NPAS3: variants seen among roughly 807,000 people sequenced by gnomAD.
NPAS3 encodes the protein neuronal PAS domain protein 3.
NPAS3 carries 14 observed loss-of-function variants against 73.1 expected under a neutral mutation model. The ratio of observed to expected loss-of-function variants is 0.19; its 90% CI spans 0.13 to 0.30. The LOEUF (loss-of-function observed/expected upper bound fraction) is 0.30, where lower values mean the gene tolerates loss of function less well. Among genes scored for constraint, NPAS3 ranks in the 10% least tolerant of loss-of-function variants. The pLI is 1.00. For missense variants in NPAS3, 1,096 were observed against 1,250.0 expected, an observed-to-expected ratio of 0.88 and a Z score of 1.86; for synonymous variants, 620 against 541.5, an observed-to-expected ratio of 1.14 and a Z score of -2.01.
intron 7 of NPAS3, among the ~76,000 whole-genome samples, chr14:33,761,819 C>T (rs1377173736): frequency 6.6e-6 from 1 of 152,140 alleles, no homozygotes; most frequent in African/African-American, 2.4e-5. Context: ...ATGAATTCTT[C>T]CCATTTCATT....
At chr14:33,785,121 C>T (rs976098391) in intron 9 of NPAS3, among the ~76,000 whole-genome samples, 4 of 151,554 alleles carry the variant, frequency 2.6e-5, no homozygotes, top group South Asian at 4.2e-4. Flanking sequence ...TTATAAGGCA[C>T]GATCAGAAGA....
chr14:33,791,801 C>T (rs2063366555), intron 9 of NPAS3, among the ~76,000 whole-genome samples: 2 of 152,204 alleles, frequency 1.3e-5, no homozygotes, highest in Admixed American at 6.5e-5. Flanking sequence ...AACTCCCAGG[C>T]AGGCTGTGCT....
intron 7 of NPAS3, among the ~76,000 whole-genome samples, chr14:33,753,358 T>TTAA (rs1219013158): frequency 3.9e-5 from 5 of 129,460 alleles, no homozygotes; most frequent in Non-Finnish European, 6.8e-5. Context: ...GTTAAATTGA[T>TTAA]AAAAAAAAAA....
At chr14:33,350,573 A>G (rs1378983448) in intron 3 of NPAS3, among the ~76,000 whole-genome samples, 1 of 152,228 alleles carries the variant, frequency 6.6e-6, no homozygotes, top group African/African-American at 2.4e-5. Flanking sequence ...TCACGCCTCT[A>G]AGAACAAACG....
intron 4 of NPAS3, among the ~76,000 whole-genome samples, chr14:33,494,870 G>C (rs976013226): frequency 2.0e-5 from 3 of 152,036 alleles, no homozygotes; most frequent in African/African-American, 7.2e-5. Flanking sequence ...AAACAGAAGG[G>C]AGTTTAAGGA....
intron 3 of NPAS3, among the ~76,000 whole-genome samples, chr14:33,256,192 A>G (rs1046788088): frequency 1.3e-5 from 2 of 152,202 alleles, no homozygotes; most frequent in Non-Finnish European, 2.9e-5. Context: ...GTTAAAAGTC[A>G]TAATAGTTTG....
intron 5 of NPAS3, among the ~76,000 whole-genome samples, chr14:33,589,250 T>A (rs1377457299): frequency 6.6e-6 from 1 of 152,192 alleles, no homozygotes; most frequent in Non-Finnish European, 1.5e-5. Context: ...ATAGAGTCAC[T>A]TAGACAAGAA....
intron 1 of NPAS3, among the ~76,000 whole-genome samples, chr14:33,042,420 C>A (rs575119689): frequency 2.0e-5 from 3 of 152,136 alleles, no homozygotes; most frequent in Non-Finnish European, 4.4e-5. Flanking sequence ...AGGACTTGCC[C>A]ACCCACCAGG....
At chr14:33,239,418 G>C (rs2048143665) in intron 3 of NPAS3, among the ~76,000 whole-genome samples, 1 of 151,812 alleles carries the variant, frequency 6.6e-6, no homozygotes, top group Non-Finnish European at 1.5e-5. Context: ...AATTTTAGTA[G>C]AAGACAGATA....
chr14:33,312,230 A>AT (rs74400076), intron 3 of NPAS3, among the ~76,000 whole-genome samples: 5 of 152,016 alleles, frequency 3.3e-5, no homozygotes, highest in South Asian at 4.2e-4. Flanking sequence ...TACTACTGGT[A>AT]TTTTTTTCTA....
intron 7 of NPAS3, among the ~76,000 whole-genome samples, chr14:33,753,922 T>G (rs551919231): frequency 2.6e-5 from 4 of 152,186 alleles, no homozygotes; most frequent in East Asian, 1.9e-4. Flanking sequence ...TGCCAGGGGC[T>G]TAAGGGACCC....
At chr14:33,371,826 G>A (rs898227303) in intron 4 of NPAS3, among the ~76,000 whole-genome samples, 2 of 152,126 alleles carry the variant, frequency 1.3e-5, no homozygotes, top group African/African-American at 4.8e-5. Context: ...ACTGTGCTAA[G>A]TTCTCTTCTT....
chr14:33,398,700 A>G (rs544415217), intron 4 of NPAS3, among the ~76,000 whole-genome samples: 1 of 152,222 alleles, frequency 6.6e-6, no homozygotes, highest in Non-Finnish European at 1.5e-5. Context: ...TATTGAAATT[A>G]TGTTTTTCCA....
At position 33,262,103 on chromosome 14, in the gene NPAS3, G is replaced by C. The variant is rs116581303; in HGVS notation, c.385+46677G>C. ...TGTATTCCAAAGATATAAGTAGAGA[G>C]GACAATTTTTAACAAGTTGAAGGGA... is the stretch of plus-strand genomic sequence containing the variant. On this transcript the variant is annotated intron_variant, in intron 3 of 11. Coordinates refer to ENST00000356141, the Ensembl canonical transcript of NPAS3. Among the ~76,000 whole-genome samples the C allele has an allele frequency of 7.0e-3, 1,067 of 152,256 alleles. 9 individuals carry two copies. Among genetic ancestry groups the C allele is most frequent in the African/African-American group, 0.025 (1,019 of 41,538 alleles).
chr14:33,638,145 A>T (rs1298522375), intron 5 of NPAS3, among the ~76,000 whole-genome samples: 2 of 152,252 alleles, frequency 1.3e-5, no homozygotes, highest in Admixed American at 6.5e-5. Context: ...ACATTTCAGC[A>T]TACCAAGCAC....
chr14:33,251,107 C>A (rs1566724680), intron 3 of NPAS3, among the ~76,000 whole-genome samples: 1 of 152,100 alleles, frequency 6.6e-6, no homozygotes. Flanking sequence ...GCTCATTTTT[C>A]ATTGGAACAA....
chr14:33,726,906 G>A (rs1330494921), intron 6 of NPAS3, among the ~76,000 whole-genome samples: 2 of 152,184 alleles, frequency 1.3e-5, no homozygotes, highest in Non-Finnish European at 2.9e-5. Flanking sequence ...CCACATGCCT[G>A]CACGTGGAGA....
intron 4 of NPAS3, among the ~76,000 whole-genome samples, chr14:33,495,216 C>A (rs2052114171): frequency 6.6e-6 from 1 of 152,162 alleles, no homozygotes; most frequent in African/African-American, 2.4e-5. Flanking sequence ...TTTATTTCTG[C>A]CTTAATTTCA....
chr14:33,777,967 T>C (rs549120247), intron 8 of NPAS3, among the ~76,000 whole-genome samples: 2 of 152,228 alleles, frequency 1.3e-5, no homozygotes, highest in Non-Finnish European at 2.9e-5. Flanking sequence ...AGCATTTAAA[T>C]TATATCCCTT....
Sources: allele counts gnomAD v4.1 joint callset (sites outside exome capture counted in the v4.1 genomes callset), GRCh38; gene constraint gnomAD v4.1.1; transcripts MANE v1.5; gene names NCBI Gene and HGNC (gene_info 2026-07-23, HGNC 2026-07-21).